Variants in VAX2 observed in about 807,000 individuals in gnomAD.
VAX2 encodes the protein ventral anterior homeobox 2.
In VAX2, 8 loss-of-function variants were observed where a neutral mutation model predicts 12.5. The observed-to-expected ratio is 0.64, with a 90% CI of 0.37 to 1.15. The LOEUF (loss-of-function observed/expected upper bound fraction) is 1.15, where lower values mean the gene tolerates loss of function less well. VAX2 is among the 50% of genes most tolerant of loss of function. The pLI is 0.01. For synonymous variants in VAX2, 183 were observed against 187.6 expected (o/e 0.98, Z 0.20); for missense variants, 476 against 412.9 (o/e 1.15, Z -1.32).
chr2:70,912,584 C>T (rs782646589), intron 1 of VAX2, among the ~76,000 whole-genome samples: 2 of 152,144 alleles, frequency 1.3e-5, no homozygotes, highest in Non-Finnish European at 2.9e-5. Flanking sequence ...ATCGCTTGAA[C>T]CCGGGAGGCG....
chr2:70,929,554 G>C (rs1679646797), intron 2 of VAX2, among the ~76,000 whole-genome samples: 1 of 152,110 alleles, frequency 6.6e-6, no homozygotes, highest in African/African-American at 2.4e-5. Flanking sequence ...GGGTGTGATG[G>C]CACACGCCTA....
rs1553410387 is a variant in VAX2 at position 70,904,864 on chromosome 2, C to A, written c.247+3996C>A. Among the ~76,000 whole-genome samples, 2 of 152,172 alleles carry A rather than the reference C, an allele frequency of 1.3e-5. No individual in the cohort carries two copies. Among genetic ancestry groups the A allele is most frequent in the Non-Finnish European group, 2.9e-5 (2 of 68,036 alleles). On this transcript the variant is annotated intron_variant, in intron 1 of 2. Transcript: ENST00000234392. The surrounding 1 kb of genome is among the most constrained non-coding windows in gnomAD (Gnocchi z 4.2). ...GTCCTTCGGAGAATCCGCGGGCAGT[C>A]GGGACCCACGCTCCGGAAACACCCA...
At chr2:70,918,691 T>C (rs1448286481) in intron 1 of VAX2, among the ~76,000 whole-genome samples, 2 of 150,918 alleles carry the variant, frequency 1.3e-5, no homozygotes, top group African/African-American at 4.9e-5. Context: ...GGTCAGGAGA[T>C]TGAGACTATC....
At chr2:70,928,604 G>T (rs1170946651) in intron 2 of VAX2, among the ~76,000 whole-genome samples, 1 of 152,176 alleles carries the variant, frequency 6.6e-6, no homozygotes, top group Non-Finnish European at 1.5e-5. Context: ...AGGAAGATGG[G>T]ATATGTGGGA....
chr2:70,910,960 A>G (rs2104764609), intron 1 of VAX2, among the ~76,000 whole-genome samples: 1 of 152,180 alleles, frequency 6.6e-6, no homozygotes. Flanking sequence ...TCCAGCATTT[A>G]AAACATTATA....
intron 1 of VAX2, among the ~76,000 whole-genome samples, chr2:70,918,035 G>T (rs1204321567): frequency 6.6e-6 from 1 of 152,218 alleles, no homozygotes; most frequent in Admixed American, 6.5e-5. Flanking sequence ...TCACAGTGGG[G>T]TCACACATAT....
chr2:70,926,476 A>T (rs1346269050), intron 2 of VAX2, among the ~76,000 whole-genome samples: 6 of 152,134 alleles, frequency 3.9e-5, no homozygotes, highest in Admixed American at 1.3e-4. Context: ...AAACCTTCTG[A>T]TACACCTTGT....
At chr2:70,926,107 A>G (rs1401492538) in intron 2 of VAX2, among the ~76,000 whole-genome samples, 2 of 151,916 alleles carry the variant, frequency 1.3e-5, no homozygotes, top group Non-Finnish European at 2.9e-5. Flanking sequence ...AGTTGTCTGC[A>G]GATTTAAATC....
chr2:70,905,017 C>G (rs1679019232), intron 1 of VAX2, among the ~76,000 whole-genome samples: 1 of 152,200 alleles, frequency 6.6e-6, no homozygotes, highest in African/African-American at 2.4e-5. Context: ...ACTGCAGGGA[C>G]AGACGCCTCG....
At chr2:70,916,119 T>A (rs1377632816) in intron 1 of VAX2, among the ~76,000 whole-genome samples, 2 of 152,192 alleles carry the variant, frequency 1.3e-5, no homozygotes, top group Non-Finnish European at 2.9e-5. Flanking sequence ...ACTATCGTGT[T>A]TTTTCTACTA....
chr2:70,909,862 C>T (rs78204184), intron 1 of VAX2, among the ~76,000 whole-genome samples: 268 of 152,226 alleles, frequency 1.8e-3, no homozygotes, highest in African/African-American at 6.3e-3. Context: ...CTGTAGTGAA[C>T]ATCTTTGTAT....
rs548390437 is a variant in VAX2 at position 70,910,028 on chromosome 2, A to G, written c.247+9160A>G. On this transcript the variant is annotated intron_variant, in intron 1 of 2. Coordinates refer to ENST00000234392, the MANE Select transcript of VAX2 (RefSeq NM_012476.3). ...GAGACAATTTGGAACATGTAAAACC[A>G]GGTGGGATATTTTATTATATTAAGG... Among the ~76,000 whole-genome samples, 60 of 152,292 alleles carry G rather than the reference A, an allele frequency of 3.9e-4. 1 individual carries two copies. Among genetic ancestry groups the G allele is most frequent in the Middle Eastern group, 6.8e-3 (2 of 294 alleles).
chr2:70,922,257 C>G (rs1009588206), intron 2 of VAX2, among the ~76,000 whole-genome samples: 1 of 152,176 alleles, frequency 6.6e-6, no homozygotes, highest in African/African-American at 2.4e-5. Context: ...TTGTAAACGA[C>G]GGCCAAAACA....
chr2:70,908,646 C>T (rs1553410857), intron 1 of VAX2, among the ~76,000 whole-genome samples: 1 of 152,188 alleles, frequency 6.6e-6, no homozygotes. Context: ...GTCATTTCCA[C>T]ATGTGTGAGT....
rs782213520 is a variant in VAX2 at position 70,933,124 on chromosome 2, G to A, written c.793G>A (p.Gly265Ser). ...GGATCTGCCTGCCGGCTACGAACTG[G>A]GTTCCTCGGCCTTCGAGCCATACAG... ...LLDLPAGYEL[G>S]SSAFEPYSWL... is the part of the protein sequence containing the mutation. The change falls in exon 3 of 3, where the codon GGT becomes AGT. Residue 265 changes from glycine (G) to serine (S), a missense_variant. By Grantham distance (56) the Gly-to-Ser change is moderately conservative. Coordinates refer to ENST00000234392, the MANE Select transcript of VAX2 (RefSeq NM_012476.3). 1.9e-6 allele frequency: 3 copies of A among 1,606,502 alleles called. No individual in the cohort carries two copies. The highest frequency in any genetic ancestry group is 2.5e-6 in the Non-Finnish European group (3 of 1,176,938).
At chr2:70,903,211 C>T (rs1222227196) in intron 1 of VAX2, among the ~76,000 whole-genome samples, 1 of 152,206 alleles carries the variant, frequency 6.6e-6, no homozygotes, top group Non-Finnish European at 1.5e-5. Flanking sequence ...CTTCAATACA[C>T]TTTGCCCTTG....
intron 2 of VAX2, among the ~76,000 whole-genome samples, chr2:70,929,621 A>G (rs181729495): frequency 1.8e-3 from 267 of 151,110 alleles, no homozygotes; most frequent in Middle Eastern, 6.8e-3. Flanking sequence ...CCGGAGGTGG[A>G]AGTTGCAGTG....
intron 2 of VAX2, 70 bp from the exon 3 acceptor site, chr2:70,932,697 C>T: frequency 1.2e-6 from 1 of 862,522 alleles, no homozygotes; most frequent in Non-Finnish European, 1.5e-6. Context: ...CTCCTTTCCT[C>T]CTCCCACCTG....
chr2:70,931,257 A>G (rs1679688843), intron 2 of VAX2, among the ~76,000 whole-genome samples: 1 of 152,184 alleles, frequency 6.6e-6, no homozygotes, highest in Admixed American at 6.5e-5. Flanking sequence ...GCCCTGAAAA[A>G]GACCTCTTCC....
Sources: gnomAD v4.1 joint callset for allele counts (sites outside exome capture counted in the v4.1 genomes callset) on GRCh38, gnomAD v4.1.1 for gene constraint, Gnocchi (gnomAD v3.1) non-coding constraint, MANE v1.5 for transcripts, NCBI Gene and HGNC (gene_info 2026-07-23, HGNC 2026-07-21) for gene names.